PTPRJ: variants seen among roughly 807,000 people sequenced by gnomAD.
The protein encoded by PTPRJ is receptor-type tyrosine-protein phosphatase eta.
Under a neutral mutation model 141.3 loss-of-function variants are expected in PTPRJ, and 129 were observed. The observed-to-expected ratio is 0.91, with a 90% CI of 0.79 to 1.06. The LOEUF is 1.06. Ranked by LOEUF, PTPRJ falls within the 50% of genes least tolerant of loss-of-function variation. The pLI is 0.00. For missense variants in PTPRJ, 1,601 were observed against 1,679.7 expected (o/e 0.95, Z 0.82); for synonymous variants, 610 against 640.5 (o/e 0.95, Z 0.72).
intron 1 of PTPRJ, among the ~76,000 whole-genome samples, chr11:48,045,065 C>T (rs1395897721): frequency 6.6e-6 from 1 of 152,168 alleles, no homozygotes; most frequent in African/African-American, 2.4e-5. Flanking sequence ...CCATTCAGTT[C>T]CTCTTTTCCC....
chr11:48,139,915 T>C (rs1174215933), intron 11 of PTPRJ, 139 bp downstream of exon 11: 1 of 897,540 alleles, frequency 1.1e-6, no homozygotes, highest in African/African-American at 1.7e-5. Context: ...TTTACTGACA[T>C]AGACTGGTTT....
intron 1 of PTPRJ, among the ~76,000 whole-genome samples, chr11:48,052,466 A>G (rs987940579): frequency 2.6e-5 from 4 of 152,118 alleles, no homozygotes; most frequent in African/African-American, 9.7e-5. Context: ...GGCCCTCAAC[A>G]TTCCAGCCTT....
In PTPRJ at chr11:48,163,538, C is replaced by T; in HGVS notation, c.3639C>T (p.Asp1213=). The change falls in exon 23 of 25, where the codon GAC becomes GAT. Residue 1213 remains aspartate (D), a synonymous_variant. Coordinates refer to ENST00000418331, the MANE Select transcript of PTPRJ (RefSeq NM_002843.4). ...ACCACGGTGTTCCCGACACCACTGA[C>T]CTGCTCATCAACTTCCGGTACCTCG... ...WPDHGVPDTT[D]LLINFRYLVR... is the part of the protein sequence containing the mutation. 3.7e-6 allele frequency: 6 copies of T among 1,613,932 alleles called. No individual in the cohort carries two copies. Among genetic ancestry groups the T allele is most frequent in the Non-Finnish European group, 5.1e-6 (6 of 1,179,774 alleles).
intron 1 of PTPRJ, among the ~76,000 whole-genome samples, chr11:48,006,091 T>C (rs1047642799): frequency 2.6e-5 from 4 of 152,128 alleles, no homozygotes; most frequent in Non-Finnish European, 4.4e-5. Flanking sequence ...TAAGAGGAGA[T>C]GTTTCAGAGC....
intron 6 of PTPRJ, among the ~76,000 whole-genome samples, chr11:48,125,811 T>C (rs1473212799): frequency 6.6e-6 from 1 of 152,254 alleles, no homozygotes; most frequent in East Asian, 1.9e-4. Context: ...GAAGCCATTC[T>C]GTAAGGAATG....
In PTPRJ at chr11:48,167,889, T is replaced by C. The variant is rs1258600359; in HGVS notation, c.*527T>C. ...TTTCTATTTGAACATGTGCCTTTTC[T>C]GAATTATGCTTCCACAGGCAAAACT... On this transcript the variant is annotated 3_prime_UTR_variant, in exon 25 of 25. Coordinates refer to ENST00000418331, the MANE Select transcript of PTPRJ (RefSeq NM_002843.4). 6.6e-6 allele frequency: 1 copy of C among 152,366 alleles called. No individual in the cohort carries two copies. The highest frequency in any genetic ancestry group is 1.5e-5 in the Non-Finnish European group (1 of 68,180). 9.4% of individuals were successfully genotyped at this position (152,366 alleles called of 1,614,324 possible).
chr11:48,105,342 T>C (rs1005206719), intron 1 of PTPRJ, among the ~76,000 whole-genome samples: 3 of 152,152 alleles, frequency 2.0e-5, no homozygotes, highest in African/African-American at 7.2e-5. Flanking sequence ...CCTGGGGCCC[T>C]GCAGGGCCAC....
intron 24 of PTPRJ, among the ~76,000 whole-genome samples, chr11:48,166,095 C>T (rs868741062): frequency 3.3e-5 from 5 of 151,756 alleles, no homozygotes; most frequent in Admixed American, 6.6e-5. Flanking sequence ...GATCTCCTGA[C>T]CTCATGATCC....
At position 48,145,074 on chromosome 11, in the gene PTPRJ, A is replaced by C. The variant is rs764349640; in HGVS notation, c.2861A>C (p.Tyr954Ser). 6.2e-7 allele frequency: 1 copy of C among 1,614,178 alleles called. No homozygotes were observed. Among genetic ancestry groups the C allele is most frequent in the Middle Eastern group, 1.7e-4 (1 of 6,056 alleles). The change falls in exon 14 of 25, where the codon TAT (tyrosine) becomes TCT (serine). Residue 954 changes from tyrosine (Y) to serine (S), a missense_variant. By Grantham distance (144) the Tyr-to-Ser change is moderately radical. Coordinates refer to ENST00000418331, the MANE Select transcript of PTPRJ (RefSeq NM_002843.4). ...NKGLIDGAES[Y>S]VSFSRYSDAV... ...GGGCTCATTGATGGGGCTGAGAGCT[A>C]TGTGTCCTTCAGTCGCTACTCAGAT...
intron 3 of PTPRJ, among the ~76,000 whole-genome samples, chr11:48,116,205 A>G (rs1328373797): frequency 6.6e-6 from 1 of 152,168 alleles, no homozygotes; most frequent in East Asian, 1.9e-4. Context: ...ACATGCCTAG[A>G]CTGAAAGTGA....
intron 12 of PTPRJ, among the ~76,000 whole-genome samples, chr11:48,144,086 G>A (rs1857296153): frequency 6.6e-6 from 1 of 152,068 alleles, no homozygotes; most frequent in Admixed American, 6.6e-5. Context: ...CTACTGTGGT[G>A]CTGTCCTCAT....
intron 1 of PTPRJ, among the ~76,000 whole-genome samples, chr11:48,098,344 A>C (rs1017590646): frequency 1.3e-5 from 2 of 152,194 alleles, no homozygotes; most frequent in Admixed American, 1.3e-4. Flanking sequence ...TAGCGGGATA[A>C]GGTAAATCTA....
chr11:48,018,238 T>C (rs2134208927), intron 1 of PTPRJ, among the ~76,000 whole-genome samples: 1 of 152,090 alleles, frequency 6.6e-6, no homozygotes, highest in African/African-American at 2.4e-5. Flanking sequence ...TTCTGGAAAC[T>C]GTTCAACATG....
At chr11:48,134,169 C>A (rs940818753) in intron 8 of PTPRJ, among the ~76,000 whole-genome samples, 1 of 152,198 alleles carries the variant, frequency 6.6e-6, no homozygotes, top group African/African-American at 2.4e-5. Context: ...TCTAACCCAA[C>A]TGAATTCCTT....
At chr11:48,117,517 GGC>G (rs1856597498) in intron 3 of PTPRJ, among the ~76,000 whole-genome samples, 1 of 110,170 alleles carries the variant, frequency 9.1e-6, no homozygotes, top group African/African-American at 3.6e-5. Flanking sequence ...CTCCAGCCTG[GGC>G]AACAGAGCAA....
chr11:48,103,924 A>C (rs1421879405), intron 1 of PTPRJ, among the ~76,000 whole-genome samples: 1 of 152,222 alleles, frequency 6.6e-6, no homozygotes, highest in Non-Finnish European at 1.5e-5. Context: ...GCGGAAGATG[A>C]GCCAGCGGGG....
At chr11:47,988,651 A>T (rs1480575371) in intron 1 of PTPRJ, among the ~76,000 whole-genome samples, 2 of 152,022 alleles carry the variant, frequency 1.3e-5, no homozygotes, top group Non-Finnish European at 2.9e-5. Context: ...ATTTCTTGTA[A>T]CCTTCACAAG....
At chr11:47,989,624 AT>A (rs1417835665) in intron 1 of PTPRJ, among the ~76,000 whole-genome samples, 4 of 151,946 alleles carry the variant, frequency 2.6e-5, no homozygotes, top group Non-Finnish European at 5.9e-5. Flanking sequence ...AAAAAAAAAA[AT>A]CTATATCTAT....
chr11:48,167,353 C>T lies in PTPRJ; in HGVS notation c.4005C>T (p.Tyr1335=), dbSNP rs1274639885. 1.9e-6 allele frequency: 3 copies of T among 1,614,042 alleles called. No individual in the cohort carries two copies. The highest frequency in any genetic ancestry group is 2.2e-5 in the South Asian group (2 of 91,054). ...CCACATTTGGAAAGACCAATGGTTA[C>T]ATCGCCTAATTCCAAAGGAATAACC... is the stretch of plus-strand genomic sequence containing the variant. ...PVTTFGKTNG[Y]IA Residue 1335 remains tyrosine (Y), a synonymous_variant, in exon 25 of 25, where the codon TAC becomes TAT. Coordinates refer to ENST00000418331, the MANE Select transcript of PTPRJ (RefSeq NM_002843.4).
Sources: gnomAD v4.1 joint callset for allele counts (sites outside exome capture counted in the v4.1 genomes callset) on GRCh38, gnomAD v4.1.1 for gene constraint, MANE v1.5 for transcripts, NCBI Gene and HGNC (gene_info 2026-07-23, HGNC 2026-07-21) for gene names.